CACNA1C: variants seen among roughly 807,000 people sequenced by gnomAD.
CACNA1C encodes voltage-dependent L-type calcium channel subunit alpha-1C.
In CACNA1C, 30 loss-of-function variants were observed where a neutral mutation model predicts 229.0. That is an observed-to-expected ratio of 0.13 (90% CI 0.10 to 0.18). The LOEUF is 0.18. Among genes scored for constraint, CACNA1C ranks in the 10% least tolerant of loss-of-function variants. CACNA1C has a pLI of 1.00. For missense variants in CACNA1C, 1,658 were observed against 2,845.0 expected (o/e 0.58, Z 9.49); for synonymous variants, 1,114 against 1,132.5 (o/e 0.98, Z 0.33).
At chr12:1,985,974 C>CT (rs1269043440) in intron 1 of CACNA1C, among the ~76,000 whole-genome samples, 1 of 152,106 alleles carries the variant, frequency 6.6e-6, no homozygotes, top group Admixed American at 6.5e-5. Context: ...CCACACTTGG[C>CT]TAATTTTGTT....
intron 3 of CACNA1C, among the ~76,000 whole-genome samples, chr12:2,194,359 TC>T (rs1376777463): frequency 6.6e-6 from 1 of 150,892 alleles, no homozygotes; most frequent in Non-Finnish European, 1.5e-5. Flanking sequence ...CTCCTCCTCC[TC>T]CCTGCTCTTC....
At chr12:2,240,469 A>G (rs1040359025) in intron 3 of CACNA1C, among the ~76,000 whole-genome samples, 1 of 152,246 alleles carries the variant, frequency 6.6e-6, no homozygotes. Context: ...TGAGGCAGGT[A>G]GAATCCAACA....
chr12:2,202,596 A>G (rs2097616581), intron 3 of CACNA1C, among the ~76,000 whole-genome samples: 1 of 152,146 alleles, frequency 6.6e-6, no homozygotes. Flanking sequence ...GTCCTTCAGA[A>G]CCACATCATC....
Position 2,566,461 on chromosome 12 carries a change from G to A in CACNA1C, c.1548G>A (p.Lys516=), listed in dbSNP as rs367644389. ...WRRWNRFCRR[K]CRAAVKSNVF... Reference sequence around the variant, plus strand: ...GGTGGAATCGGTTCTGCAGAAGGAAGTGCCGCGCCGCAGTCAAGTCTAATG... The same window carrying A: ...GGTGGAATCGGTTCTGCAGAAGGAAATGCCGCGCCGCAGTCAAGTCTAATG... The change falls in exon 12 of 47, where the codon AAG becomes AAA. Residue 516 remains lysine (K), a synonymous_variant. Transcript: ENST00000399655. The surrounding 1 kb of genome is among the most constrained non-coding windows in gnomAD (Gnocchi z 4.0). The A allele has an allele frequency of 3.8e-6, 6 of 1,596,514 alleles. No homozygotes were observed.
intron 3 of CACNA1C, among the ~76,000 whole-genome samples, chr12:2,439,324 G>A (rs1860102): frequency 0.067 from 10,276 of 152,264 alleles, 408 homozygotes; most frequent in East Asian, 0.1. Context: ...CTGGACACCA[G>A]GCAAATCAAA....
At chr12:2,172,764 A>G (rs2096534900) in intron 3 of CACNA1C, among the ~76,000 whole-genome samples, 1 of 152,256 alleles carries the variant, frequency 6.6e-6, no homozygotes, top group African/African-American at 2.4e-5. Flanking sequence ...AAATAAGGGA[A>G]TGAAGCTAAT....
At chr12:2,550,222 C>A (rs74053812) in intron 10 of CACNA1C, among the ~76,000 whole-genome samples, 189 bp downstream of exon 10, 1 of 152,066 alleles carries the variant, frequency 6.6e-6, no homozygotes, top group South Asian at 2.1e-4. Context: ...GTGGCCCTGG[C>A]CGGGGGTGAG....
chr12:2,482,372 G>A (rs901193830), intron 5 of CACNA1C, among the ~76,000 whole-genome samples: 4 of 152,242 alleles, frequency 2.6e-5, no homozygotes, highest in Non-Finnish European at 5.9e-5. Flanking sequence ...CAGTCGTGAA[G>A]CCATGGGCTA....
chr12:2,439,911 G>A (rs1204942241), intron 3 of CACNA1C, among the ~76,000 whole-genome samples: 1 of 151,884 alleles, frequency 6.6e-6, no homozygotes, highest in Non-Finnish European at 1.5e-5. Flanking sequence ...CAGACCGTTC[G>A]GAGCAGCAGG....
chr12:2,558,842 A>G (rs2045963183), intron 11 of CACNA1C, among the ~76,000 whole-genome samples: 1 of 152,124 alleles, frequency 6.6e-6, no homozygotes, highest in Non-Finnish European at 1.5e-5. Context: ...TTTTTTCCCA[A>G]TCCTTGTTTC....
At chr12:2,386,155 C>A (rs189269368) in intron 3 of CACNA1C, among the ~76,000 whole-genome samples, 3 of 152,310 alleles carry the variant, frequency 2.0e-5, no homozygotes, top group Non-Finnish European at 4.4e-5. Flanking sequence ...TCAGTGACAT[C>A]CCATTGGTAG....
intron 3 of CACNA1C, among the ~76,000 whole-genome samples, chr12:2,325,549 A>G (rs1467368945): frequency 6.6e-6 from 1 of 152,232 alleles, no homozygotes; most frequent in African/African-American, 2.4e-5. Context: ...AACTTGGACA[A>G]ATTATGCAAA....
At position 2,120,346 on chromosome 12, in the gene CACNA1C, A is replaced by G. The variant is rs1257150123; in HGVS notation, c.393A>G (p.Leu131=). The part of the protein sequence containing the change: ...VEWKPFEIII[L]LTIFANCVAL... ...TCAGACCATTTGAAATAATTATTTT[A>G]CTGACTATTTTTGCCAATTGTGTGG... Residue 131 remains leucine (L), a synonymous_variant, in exon 3 of 47, where the codon TTA becomes TTG. Transcript: ENST00000399655. 1 of 1,589,970 alleles carries G rather than the reference A, an allele frequency of 6.3e-7. No homozygotes were observed. The highest frequency in any genetic ancestry group is 8.6e-7 in the Non-Finnish European group (1 of 1,158,084).
chr12:2,447,672 T>G (rs963291810), intron 3 of CACNA1C, among the ~76,000 whole-genome samples: 1 of 152,206 alleles, frequency 6.6e-6, no homozygotes. Context: ...CTGCAGAGCT[T>G]CCCATCTGGC....
intron 1 of CACNA1C, among the ~76,000 whole-genome samples, chr12:2,002,203 G>C (rs6489343): frequency 0.73 from 110,435 of 152,064 alleles, 40,627 homozygotes; most frequent in African/African-American, 0.85. Context: ...CCCTCCTTAA[G>C]ATCCCCCCTG....
chr12:2,447,400 C>T (rs1247314613), intron 3 of CACNA1C, among the ~76,000 whole-genome samples: 3 of 152,132 alleles, frequency 2.0e-5, no homozygotes, highest in Non-Finnish European at 4.4e-5. Flanking sequence ...CACGCCGCGG[C>T]GTGATCTGGG....
intron 3 of CACNA1C, among the ~76,000 whole-genome samples, chr12:2,200,527 A>G (rs190454481): frequency 1.8e-3 from 272 of 152,308 alleles, no homozygotes; most frequent in African/African-American, 6.4e-3. Context: ...CAAAATGTCA[A>G]TAGTGTCAAT....
At chr12:2,681,221 T>G (rs1036862990) in intron 42 of CACNA1C, among the ~76,000 whole-genome samples, 2 of 152,298 alleles carry the variant, frequency 1.3e-5, no homozygotes, top group Middle Eastern at 3.4e-3. Context: ...GGGAGAGGGA[T>G]GTTTAGAGGA....
At chr12:2,528,222 G>A (rs2099828581) in intron 9 of CACNA1C, among the ~76,000 whole-genome samples, 2 of 152,192 alleles carry the variant, frequency 1.3e-5, no homozygotes, top group Non-Finnish European at 2.9e-5. Context: ...CCAGTCTGCA[G>A]TTGGCCTCTC....
Sources: gnomAD v4.1 joint callset for allele counts (sites outside exome capture counted in the v4.1 genomes callset) on GRCh38, gnomAD v4.1.1 for gene constraint, Gnocchi (gnomAD v3.1) non-coding constraint, MANE v1.5 for transcripts, NCBI Gene and HGNC (gene_info 2026-07-23, HGNC 2026-07-21) for gene names.